PPP2R2D: variants seen among roughly 807,000 people sequenced by gnomAD.
The protein encoded by PPP2R2D is protein phosphatase 2 regulatory subunit Bdelta.
A neutral mutation model predicts 31.1 loss-of-function variants in PPP2R2D; 9 were observed. The observed-to-expected ratio is 0.29, with a 90% CI of 0.17 to 0.51. PPP2R2D has a LOEUF of 0.51. Ranked by LOEUF, PPP2R2D falls within the 20% of genes least tolerant of loss-of-function variation. The pLI is 0.98. For missense variants in PPP2R2D, 391 were observed against 465.6 expected (o/e 0.84, Z 1.48); for synonymous variants, 179 against 172.6 (o/e 1.04, Z -0.29).
chr10:131,910,292 TG>T (rs2035662653), intron 2 of PPP2R2D, among the ~76,000 whole-genome samples: 2 of 152,328 alleles, frequency 1.3e-5, no homozygotes, highest in East Asian at 1.9e-4. Flanking sequence ...TACATGGAGT[TG>T]TTTTTTTTTC....
intron 2 of PPP2R2D, among the ~76,000 whole-genome samples, chr10:131,920,170 GTGTT>G (rs1203174919): frequency 1.4e-4 from 21 of 147,048 alleles, no homozygotes; most frequent in South Asian, 6.7e-4. Context: ...GAATGACACA[GTGTT>G]TGTAGGGACC....
At chr10:131,918,948 G>GTCTT (rs2119803990) in intron 2 of PPP2R2D, among the ~76,000 whole-genome samples, 1 of 139,948 alleles carries the variant, frequency 7.1e-6, no homozygotes, top group Non-Finnish European at 1.5e-5. Flanking sequence ...GAATGACACA[G>GTCTT]TGTAGGGACC....
intron 4 of PPP2R2D, 92 bp from the exon 5 acceptor site, chr10:131,940,490 G>T: frequency 1.5e-6 from 1 of 659,096 alleles, no homozygotes; most frequent in South Asian, 1.8e-5. Flanking sequence ...CCCAATATAG[G>T]ACCACACCGC....
chr10:131,956,424 CTG>C lies in PPP2R2D; in HGVS notation c.*464_*465del, dbSNP rs770821634. 7 of 985,850 alleles carry C rather than the reference CTG, an allele frequency of 7.1e-6. No homozygotes were observed. The highest frequency in any genetic ancestry group is 2.3e-4 in the East Asian group (2 of 8,818). The allele number at this position is 985,850 out of a possible 1,614,324, so 61.1% of individuals were successfully genotyped here. ...GCCTTCCTCCGAGTCCAGGTGGACT[CTG>C]TGGATGTGTGGATGTGGCCCGAGCA... is the stretch of plus-strand genomic sequence containing the variant. On this transcript the variant is annotated 3_prime_UTR_variant, in exon 9 of 9. Coordinates refer to ENST00000455566, the MANE Select transcript of PPP2R2D (RefSeq NM_018461.5).
the PPP2R2D span, among the ~76,000 whole-genome samples, chr10:131,965,231 T>C: frequency 6.6e-6 from 1 of 152,082 alleles, no homozygotes; most frequent in South Asian, 2.1e-4. Context: ...TGACCAGGCC[T>C]CTCTACTGAG....
chr10:131,927,637 G>C (rs2036131994), intron 2 of PPP2R2D, among the ~76,000 whole-genome samples: 1 of 152,164 alleles, frequency 6.6e-6, no homozygotes, highest in Non-Finnish European at 1.5e-5. Context: ...CAGGACGCCA[G>C]GCCCTCCCTC....
chr10:131,920,716 T>A (rs2035970502), intron 2 of PPP2R2D, among the ~76,000 whole-genome samples: 1 of 152,088 alleles, frequency 6.6e-6, no homozygotes, highest in African/African-American at 2.4e-5. Flanking sequence ...TCACCTGAGG[T>A]CAGGAGTTGG....
At chr10:131,916,855 G>T (rs1316967113) in intron 2 of PPP2R2D, among the ~76,000 whole-genome samples, 9 of 147,762 alleles carry the variant, frequency 6.1e-5, no homozygotes, top group Admixed American at 2.7e-4. Flanking sequence ...GGGACCTCAG[G>T]CGGGTGGAAT....
intron 2 of PPP2R2D, among the ~76,000 whole-genome samples, chr10:131,934,027 C>T (rs2036292270): frequency 6.6e-6 from 1 of 152,168 alleles, no homozygotes; most frequent in Admixed American, 6.5e-5. Flanking sequence ...ATATTAACAA[C>T]ATTTTTATTA....
chr10:131,932,358 C>A (rs1305684778), intron 2 of PPP2R2D, among the ~76,000 whole-genome samples: 2 of 152,022 alleles, frequency 1.3e-5, no homozygotes, highest in African/African-American at 4.8e-5. Context: ...CAGAACGCAG[C>A]CATGGTGAAG....
chr10:131,965,468 G>T, the PPP2R2D span, among the ~76,000 whole-genome samples: 1 of 152,120 alleles, frequency 6.6e-6, no homozygotes, highest in South Asian at 2.1e-4. Flanking sequence ...TTATTTTTTT[G>T]AGACAGAGTC....
chr10:131,929,979 T>C (rs2036188970), intron 2 of PPP2R2D, among the ~76,000 whole-genome samples: 1 of 152,170 alleles, frequency 6.6e-6, no homozygotes, highest in South Asian at 2.1e-4. Flanking sequence ...GCCAACCTCC[T>C]GTATGGCAAC....
At position 131,927,412 on chromosome 10, in the gene PPP2R2D, C is replaced by T. The variant is rs566609253; in HGVS notation, c.101-7046C>T. On this transcript the variant is annotated intron_variant, in intron 2 of 8. Coordinates refer to ENST00000455566, the MANE Select transcript of PPP2R2D (RefSeq NM_018461.5). ...CTTCAGAGAGGGCGGGTGCGCGGGT[C>T]GGACGGGTGCGCGGGTTGGAGTACA... 1.7e-3 allele frequency among the ~76,000 whole-genome samples: 257 copies of T among 151,392 alleles called. 1 individual carries two copies. Among genetic ancestry groups the T allele is most frequent in the African/African-American group, 6.0e-3 (244 of 40,796 alleles).
intron 2 of PPP2R2D, among the ~76,000 whole-genome samples, chr10:131,906,352 C>T (rs2119711683): frequency 6.6e-6 from 1 of 152,234 alleles, no homozygotes; most frequent in Admixed American, 6.5e-5. Flanking sequence ...GTTGATTTTG[C>T]TTTAATCAGT....
At chr10:131,937,750 T>C (rs185800721) in intron 3 of PPP2R2D, among the ~76,000 whole-genome samples, 67 of 152,330 alleles carry the variant, frequency 4.4e-4, no homozygotes, top group African/African-American at 1.4e-3. Context: ...GTCTTGGGCA[T>C]AGGACTAATT....
At chr10:131,940,470 T>A in intron 4 of PPP2R2D, 112 bp from the exon 5 acceptor site, 1 of 626,452 alleles carries the variant, frequency 1.6e-6, no homozygotes, top group South Asian at 2.0e-5. Flanking sequence ...AGAGACCCCA[T>A]AGCTTATAAC....
At chr10:131,961,760 G>C (rs1219477542), downstream of PPP2R2D, among the ~76,000 whole-genome samples, 1 of 152,056 alleles carries the variant, frequency 6.6e-6, no homozygotes, top group Non-Finnish European at 1.5e-5. Context: ...CAGCGGCTGC[G>C]ACTTGCCTCT....
intron 3 of PPP2R2D, chr10:131,934,824 C>A: frequency 1.9e-6 from 1 of 521,484 alleles, no homozygotes; most frequent in Non-Finnish European, 3.7e-6. Flanking sequence ...TGGTGAGGTG[C>A]ATTTATGTGC....
intron 2 of PPP2R2D, among the ~76,000 whole-genome samples, chr10:131,932,147 G>T (rs553226350): frequency 6.6e-6 from 1 of 152,256 alleles, no homozygotes; most frequent in South Asian, 2.1e-4. Flanking sequence ...GACACTTTGC[G>T]GATTTGATGG....
Sources: allele counts gnomAD v4.1 joint callset (sites outside exome capture counted in the v4.1 genomes callset), GRCh38; gene constraint gnomAD v4.1.1; transcripts MANE v1.5; gene names NCBI Gene and HGNC (gene_info 2026-07-23, HGNC 2026-07-21).